The following BTF3L4 variants were observed in gnomAD, a reference collection of about 807,000 sequenced individuals.
The protein encoded by BTF3L4 is transcription factor BTF3 homolog 4.
In BTF3L4, 6 loss-of-function variants were observed where a neutral mutation model predicts 16.8. That is an observed-to-expected ratio of 0.36 (90% confidence interval 0.20 to 0.71). BTF3L4 has a LOEUF of 0.71. BTF3L4 is among the 30% of genes least tolerant of loss of function. The probability of loss-of-function intolerance (pLI) is 0.58; values close to 1 mark genes in which losing one functional copy is unlikely to be tolerated. For synonymous variants in BTF3L4, 39 were observed against 59.8 expected (o/e 0.65, Z 1.60); for missense variants, 92 against 186.9 (o/e 0.49, Z 2.96).
intron 1 of BTF3L4, among the ~76,000 whole-genome samples, 152 bp downstream of exon 1, chr1:52,056,531 C>A (rs557574077): frequency 5.9e-5 from 9 of 152,360 alleles, no homozygotes; most frequent in East Asian, 5.8e-4. Context: ...CTTGGCCTGT[C>A]GGTTACCGGC....
At chr1:52,062,017 A>G (rs1215879857) in intron 2 of BTF3L4, among the ~76,000 whole-genome samples, 5 of 151,338 alleles carry the variant, frequency 3.3e-5, no homozygotes, top group Non-Finnish European at 2.9e-5. Context: ...GCTCACTGCA[A>G]TCTCCGCCTC....
chr1:52,061,632 ATTCTT>A (rs1307896403), intron 2 of BTF3L4, among the ~76,000 whole-genome samples: 1 of 122,956 alleles, frequency 8.1e-6, no homozygotes, highest in Non-Finnish European at 1.6e-5. Context: ...TGGTACAGCT[ATTCTT>A]TTTTTTTTTT....
intron 3 of BTF3L4, among the ~76,000 whole-genome samples, chr1:52,082,307 G>A (rs2124444483): frequency 6.6e-6 from 1 of 152,336 alleles, no homozygotes; most frequent in Non-Finnish European, 1.5e-5. Flanking sequence ...TGAAAGTTAT[G>A]GAAAGAATGT....
chr1:52,072,247 G>A (rs1006491498), intron 3 of BTF3L4, among the ~76,000 whole-genome samples: 7 of 151,828 alleles, frequency 4.6e-5, no homozygotes, highest in Non-Finnish European at 1.5e-5. Context: ...GTAGAGATGG[G>A]GTTTCACCAT....
rs1643977266 is a variant in BTF3L4 at position 52,086,864 on chromosome 1, A to C, written c.*106A>C. 2 of 597,630 alleles carry C rather than the reference A, an allele frequency of 3.3e-6. No individual in the cohort carries two copies. The highest frequency in any genetic ancestry group is 5.7e-6 in the Non-Finnish European group (2 of 349,082). 37.0% of individuals were successfully genotyped at this position (597,630 alleles called of 1,614,324 possible). A position where few individuals can be genotyped will look rare whatever the true frequency, so the allele number is the denominator to read the frequency against. ...CATCACCTGTTACTAGTTCAGTAAT[A>C]TAAATATTTTGTATATTAATAATGC... On this transcript the variant is annotated 3_prime_UTR_variant, in exon 6 of 6. Transcript: ENST00000313334.
intron 3 of BTF3L4, among the ~76,000 whole-genome samples, chr1:52,065,776 G>A (rs1416386110): frequency 2.0e-5 from 3 of 151,994 alleles, no homozygotes; most frequent in Admixed American, 6.6e-5. Flanking sequence ...AGTGGCTCAC[G>A]CCTGTAATCT....
chr1:52,066,193 A>AT (rs1553238995), intron 3 of BTF3L4, among the ~76,000 whole-genome samples: 2 of 151,408 alleles, frequency 1.3e-5, no homozygotes, highest in African/African-American at 4.8e-5. Flanking sequence ...TGATGATTCC[A>AT]TTTGTTTTTT....
intron 3 of BTF3L4, among the ~76,000 whole-genome samples, chr1:52,071,638 C>T (rs1200229467): frequency 6.6e-6 from 1 of 152,136 alleles, no homozygotes; most frequent in African/African-American, 2.4e-5. Flanking sequence ...AAGCTTAAGG[C>T]TGGGAATATA....
At chr1:52,073,428 A>C (rs1310725552) in intron 3 of BTF3L4, among the ~76,000 whole-genome samples, 1 of 151,180 alleles carries the variant, frequency 6.6e-6, no homozygotes. Flanking sequence ...TCTTGTATTT[A>C]ATCTTTCCCA....
At chr1:52,076,166 C>T (rs1024188050) in intron 3 of BTF3L4, among the ~76,000 whole-genome samples, 33 of 152,132 alleles carry the variant, frequency 2.2e-4, no homozygotes, top group African/African-American at 7.7e-4. Flanking sequence ...ATCCCAACTA[C>T]TTGGGAGGCT....
intron 3 of BTF3L4, 44 bp downstream of exon 3, chr1:52,064,982 C>T (rs761510181): frequency 8.6e-7 from 1 of 1,164,992 alleles, no homozygotes; most frequent in East Asian, 2.4e-5. Flanking sequence ...GGTACATGCA[C>T]AAATAATTGT....
chr1:52,072,606 C>T (rs927770832), intron 3 of BTF3L4, among the ~76,000 whole-genome samples: 2 of 152,150 alleles, frequency 1.3e-5, no homozygotes, highest in Non-Finnish European at 2.9e-5. Flanking sequence ...GGCCTGAAAA[C>T]ACTCACTTAA....
At chr1:52,056,980 T>C (rs1360718502) in intron 1 of BTF3L4, among the ~76,000 whole-genome samples, 1 of 152,210 alleles carries the variant, frequency 6.6e-6, no homozygotes, top group Non-Finnish European at 1.5e-5. Context: ...CAGTTTACCA[T>C]AGTTGTCCCC....
intron 2 of BTF3L4, among the ~76,000 whole-genome samples, chr1:52,060,184 T>A (rs544343942): frequency 6.6e-6 from 1 of 152,334 alleles, no homozygotes; most frequent in East Asian, 1.9e-4. Context: ...TTCCACTTTC[T>A]TATCTGCAAA....
At chr1:52,071,888 T>C (rs530504554) in intron 3 of BTF3L4, among the ~76,000 whole-genome samples, 21 of 151,908 alleles carry the variant, frequency 1.4e-4, no homozygotes, top group African/African-American at 4.8e-4. Flanking sequence ...CTTCTTTCTC[T>C]CTTAGGGTCC....
chr1:52,065,081 T>C (rs1247349753), intron 3 of BTF3L4, 143 bp downstream of exon 3: 2 of 430,800 alleles, frequency 4.6e-6, no homozygotes, highest in East Asian at 7.4e-5. Context: ...ACTTTGATTT[T>C]TGTATGAAAT....
chr1:52,080,989 G>A (rs1298337173), intron 3 of BTF3L4, among the ~76,000 whole-genome samples: 1 of 150,892 alleles, frequency 6.6e-6, no homozygotes, highest in East Asian at 2.0e-4. Context: ...ACAGGCACAT[G>A]CCACCACACC....
chr1:52,069,822 T>C (rs1375859869), intron 3 of BTF3L4, among the ~76,000 whole-genome samples: 3 of 152,208 alleles, frequency 2.0e-5, no homozygotes, highest in Non-Finnish European at 4.4e-5. Flanking sequence ...AATTTTCTAC[T>C]GTCAGTACTG....
chr1:52,084,811 A>G (rs999385292), intron 4 of BTF3L4, among the ~76,000 whole-genome samples: 2 of 151,806 alleles, frequency 1.3e-5, no homozygotes, highest in Admixed American at 6.6e-5. Context: ...AAAAAAAGAA[A>G]AAAGAAAATA....
Sources: allele counts gnomAD v4.1 joint callset (sites outside exome capture counted in the v4.1 genomes callset), GRCh38; gene constraint gnomAD v4.1.1; transcripts MANE v1.5; gene names NCBI Gene and HGNC (gene_info 2026-07-23, HGNC 2026-07-21).